FAM78B: variants seen among roughly 807,000 people sequenced by gnomAD.
FAM78B encodes family with sequence similarity 78 member B, also known as protein FAM78B.
Under a neutral mutation model 20.0 loss-of-function variants are expected in FAM78B, and 10 were observed. That is an observed-to-expected ratio of 0.50 (90% CI 0.31 to 0.85). The LOEUF is 0.85. Among genes scored for constraint, FAM78B ranks in the 40% least tolerant of loss-of-function variants. The pLI, the probability that FAM78B is intolerant of heterozygous loss-of-function variation, is 0.05. For missense variants in FAM78B, 283 were observed against 345.0 expected (o/e 0.82, Z 1.42); for synonymous variants, 135 against 132.8 (o/e 1.02, Z -0.12).
chr1:166,063,004 G>A (rs3935592), intron 2 of FAM78B, among the ~76,000 whole-genome samples: 45,819 of 152,076 alleles, frequency 0.3, 7,027 homozygotes, highest in East Asian at 0.43. Context: ...CAAAGTGCTC[G>A]AGAGAAGTCC....
In FAM78B at chr1:166,070,333, T is replaced by G; in HGVS notation, c.694A>C (p.Asn232His). 6.2e-7 allele frequency: 1 copy of G among 1,609,706 alleles called. No individual in the cohort carries two copies. Among genetic ancestry groups the G allele is most frequent in the Non-Finnish European group, 8.5e-7 (1 of 1,177,542 alleles). ...ILSRMEPIPP[N>H]ALVKPNANDA... ...TTGGCATTGGGTTTCACTAGTGCATTAGGGGGGATGGGTTCCATCCGGCTC... is the reference window on the plus strand; with the variant it reads ...TTGGCATTGGGTTTCACTAGTGCATGAGGGGGGATGGGTTCCATCCGGCTC... The change falls in exon 2 of 2, where the codon AAT (asparagine) becomes CAT (histidine). Residue 232 changes from asparagine to histidine, a missense_variant. By Grantham distance (68) the Asn-to-His change is moderately conservative. Coordinates refer to ENST00000354422, the MANE Select transcript of FAM78B (RefSeq NM_001017961.5).
At chr1:166,077,716 TAC>T (rs1259132143) in intron 1 of FAM78B, among the ~76,000 whole-genome samples, 1 of 128,696 alleles carries the variant, frequency 7.8e-6, no homozygotes, top group African/African-American at 3.6e-5. Flanking sequence ...TACATATAAT[TAC>T]ATATATTTAT....
At chr1:166,148,487 A>G (rs1455837271) in intron 1 of FAM78B, among the ~76,000 whole-genome samples, 1 of 152,262 alleles carries the variant, frequency 6.6e-6, no homozygotes, top group Non-Finnish European at 1.5e-5. Context: ...TAGTTTCATT[A>G]TATGTGAAAC....
intron 1 of FAM78B, among the ~76,000 whole-genome samples, chr1:166,114,116 G>T (rs986473794): frequency 1.3e-5 from 2 of 152,222 alleles, no homozygotes; most frequent in African/African-American, 4.8e-5. Context: ...GGCCTCCTCT[G>T]TGCACACTCT....
intron 1 of FAM78B, among the ~76,000 whole-genome samples, chr1:166,143,306 G>A (rs1557915767): frequency 1.3e-5 from 2 of 152,096 alleles, no homozygotes; most frequent in Non-Finnish European, 2.9e-5. Flanking sequence ...GGAGAGGAGA[G>A]GGTAAGCCTG....
chr1:166,151,776 T>C (rs1217199658), intron 1 of FAM78B, among the ~76,000 whole-genome samples: 1 of 152,210 alleles, frequency 6.6e-6, no homozygotes, highest in Non-Finnish European at 1.5e-5. Flanking sequence ...AAAGTAACTA[T>C]GTACAGATCC....
chr1:166,109,814 G>GTATATATATGTA (rs1653928332), intron 1 of FAM78B, among the ~76,000 whole-genome samples: 1 of 32,648 alleles, frequency 3.1e-5, no homozygotes, highest in African/African-American at 9.8e-5. Context: ...ATGTATATAT[G>GTATATATATGTA]TATATATATA....
At chr1:166,145,772 C>T (rs895824532) in intron 1 of FAM78B, among the ~76,000 whole-genome samples, 1 of 152,154 alleles carries the variant, frequency 6.6e-6, no homozygotes, top group African/African-American at 2.4e-5. Context: ...TGGTTGGCTG[C>T]ACATTAAACT....
chr1:166,156,035 G>GGTAA (rs1655879424), intron 1 of FAM78B, among the ~76,000 whole-genome samples: 1 of 152,158 alleles, frequency 6.6e-6, no homozygotes, highest in African/African-American at 2.4e-5. Context: ...TGCGGATGCC[G>GGTAA]ATTTACCGCT....
Position 166,070,031 on chromosome 1 carries a change from T to G in FAM78B, c.*210A>C. 1 of 1,244,146 alleles carries G rather than the reference T, an allele frequency of 8.0e-7. No homozygotes were observed. Among genetic ancestry groups the G allele is most frequent in the Non-Finnish European group, 1.0e-6 (1 of 991,818 alleles). The allele number at this position is 1,244,146 out of a possible 1,614,324, so 77.1% of individuals were successfully genotyped here. Reference sequence around the variant, plus strand: ...CACAGCAAGTCTGTCAAATCAGTGATTTCTTTATTCCTAAGAGGAAGGGAT... The same window carrying G: ...CACAGCAAGTCTGTCAAATCAGTGAGTTCTTTATTCCTAAGAGGAAGGGAT... On this transcript the variant is annotated 3_prime_UTR_variant, in exon 2 of 2. Transcript: ENST00000354422.
chr1:166,118,919 A>G (rs1451620730), intron 1 of FAM78B, among the ~76,000 whole-genome samples: 1 of 151,912 alleles, frequency 6.6e-6, no homozygotes, highest in Non-Finnish European at 1.5e-5. Flanking sequence ...ACGCCATTCC[A>G]TTTTGTCATT....
chr1:166,166,001 T>C lies in FAM78B; in HGVS notation c.248A>G (p.Tyr83Cys), dbSNP rs1317738087. 6.2e-7 allele frequency: 1 copy of C among 1,613,244 alleles called. No homozygotes were observed. The highest frequency in any genetic ancestry group is 8.5e-7 in the Non-Finnish European group (1 of 1,179,726). The change falls in exon 1 of 2, where the codon TAC (tyrosine) becomes TGC (cysteine). Residue 83 changes from tyrosine (Y) to cysteine (C), a missense_variant. Physicochemically the swap from Tyr to Cys is radical, Grantham distance 194 (BLOSUM62 -2). Transcript: ENST00000354422. ...ACNQMEFFNTYSDLGMSSWEL... is the reference protein window; with the variant it reads ...ACNQMEFFNTCSDLGMSSWEL... ...AGTCGCTTACATGCCCAGGTCGCTG[T>C]AGGTGTTGAAGAACTCCATCTGATT...
intron 1 of FAM78B, among the ~76,000 whole-genome samples, chr1:166,096,033 C>T (rs1653261744): frequency 6.6e-6 from 1 of 152,150 alleles, no homozygotes; most frequent in South Asian, 2.1e-4. Flanking sequence ...TCTAGAATGG[C>T]TTCTGGATTA....
intron 1 of FAM78B, among the ~76,000 whole-genome samples, chr1:166,108,859 T>C (rs2101754649): frequency 1.3e-5 from 2 of 152,162 alleles, no homozygotes; most frequent in Middle Eastern, 3.4e-3. Flanking sequence ...TAAATCCAAA[T>C]ACTTACAGCC....
rs554015519 is a variant in FAM78B at position 166,084,278 on chromosome 1, C to G, written c.264-13515G>C. Among the ~76,000 whole-genome samples the G allele has an allele frequency of 3.3e-3, 494 of 150,354 alleles. 3 individuals carry two copies. The highest frequency in any genetic ancestry group is 0.011 in the African/African-American group (468 of 41,160). On this transcript the variant is annotated intron_variant, in intron 1 of 1. Coordinates refer to ENST00000354422, the MANE Select transcript of FAM78B (RefSeq NM_001017961.5). ...TCTCTCTCTCTCTTTCTCTCTCTCT[C>G]TTTGCATATAATTTCATCTGGTGAG...
At chr1:166,141,926 T>A (rs950868940) in intron 1 of FAM78B, among the ~76,000 whole-genome samples, 1 of 152,154 alleles carries the variant, frequency 6.6e-6, no homozygotes, top group Non-Finnish European at 1.5e-5. Context: ...CATATTGATA[T>A]GGAGAAAGGG....
At chr1:166,079,609 T>TGGAGCTAGGGG (rs1652487762) in intron 1 of FAM78B, among the ~76,000 whole-genome samples, 1 of 152,110 alleles carries the variant, frequency 6.6e-6, no homozygotes, top group African/African-American at 2.4e-5. Context: ...GGGAAGTAGG[T>TGGAGCTAGGGG]GGAGCTAGGG....
In FAM78B at chr1:166,070,213, A is replaced by G; in HGVS notation, c.*28T>C. The G allele has an allele frequency of 6.6e-7, 1 of 1,503,864 alleles. No homozygotes were observed. Among genetic ancestry groups the G allele is most frequent in the Non-Finnish European group, 8.9e-7 (1 of 1,125,250 alleles). 93.2% of individuals were successfully genotyped at this position (1,503,864 alleles called of 1,614,324 possible). A position where few individuals can be genotyped will look rare whatever the true frequency, so the allele number is the denominator to read the frequency against. On this transcript the variant is annotated 3_prime_UTR_variant, in exon 2 of 2. Coordinates refer to ENST00000354422, the MANE Select transcript of FAM78B (RefSeq NM_001017961.5). ...TCACTGCATGTCTCAGAGGCGTGTG[A>G]TCCACACACAGTCAGGCCAGTCTGC...
intron 1 of FAM78B, among the ~76,000 whole-genome samples, chr1:166,133,876 CT>C (rs1301684425): frequency 1.3e-5 from 2 of 152,196 alleles, no homozygotes; most frequent in African/African-American, 4.8e-5. Context: ...TGAGCCCTTA[CT>C]TTATACGAGG....
Sources: gnomAD v4.1 joint callset for allele counts (sites outside exome capture counted in the v4.1 genomes callset) on GRCh38, gnomAD v4.1.1 for gene constraint, MANE v1.5 for transcripts, NCBI Gene and HGNC (gene_info 2026-07-23, HGNC 2026-07-21) for gene names.